Variants in ZMAT4 observed in about 807,000 individuals in gnomAD.
ZMAT4 encodes zinc finger matrin-type protein 4.
Under a neutral mutation model 28.7 loss-of-function variants are expected in ZMAT4, and 17 were observed. The observed-to-expected ratio is 0.59, with a 90% CI of 0.41 to 0.89. The LOEUF is 0.89. Among genes scored for constraint, ZMAT4 ranks in the 40% least tolerant of loss-of-function variants. ZMAT4 has a pLI of 0.00. For missense variants in ZMAT4, 240 were observed against 283.8 expected (o/e 0.85, Z 1.11); for synonymous variants, 117 against 109.2 (o/e 1.07, Z -0.44).
intron 5 of ZMAT4, among the ~76,000 whole-genome samples, chr8:40,647,185 T>A (rs2118793461): frequency 6.6e-6 from 1 of 152,080 alleles, no homozygotes; most frequent in East Asian, 1.9e-4. Flanking sequence ...CACTAGGGAG[T>A]GCCAGACAGT....
At chr8:40,720,248 C>G (rs1011991560) in intron 3 of ZMAT4, among the ~76,000 whole-genome samples, 1 of 152,064 alleles carries the variant, frequency 6.6e-6, no homozygotes, top group African/African-American at 2.4e-5. Context: ...TCTTATTAAC[C>G]AGCACTATTA....
At chr8:40,865,362 G>A (rs560022315) in intron 1 of ZMAT4, among the ~76,000 whole-genome samples, 36 of 152,308 alleles carry the variant, frequency 2.4e-4, no homozygotes, top group South Asian at 1.5e-3. Flanking sequence ...AATCTTCCCC[G>A]AATTCGGCCT....
intron 6 of ZMAT4, among the ~76,000 whole-genome samples, chr8:40,563,892 G>A (rs572495717): frequency 6.6e-6 from 1 of 152,050 alleles, no homozygotes; most frequent in Non-Finnish European, 1.5e-5. Context: ...GGGCCTCTTA[G>A]TTTCCTCCAG....
intron 6 of ZMAT4, among the ~76,000 whole-genome samples, chr8:40,569,097 C>A (rs778341733): frequency 6.6e-6 from 1 of 152,112 alleles, no homozygotes; most frequent in Non-Finnish European, 1.5e-5. Context: ...GATGGGGGAG[C>A]TGATTTGTCC....
intron 1 of ZMAT4, among the ~76,000 whole-genome samples, chr8:40,863,999 C>T (rs1358538612): frequency 6.6e-6 from 1 of 152,200 alleles, no homozygotes; most frequent in Non-Finnish European, 1.5e-5. Flanking sequence ...TCCTGTGCCT[C>T]ACATGGTGTC....
intron 1 of ZMAT4, among the ~76,000 whole-genome samples, chr8:40,878,490 TATCAGAAGTAAGTTGTCC>T (rs1818114627): frequency 6.6e-6 from 1 of 152,232 alleles, no homozygotes; most frequent in African/African-American, 2.4e-5. Flanking sequence ...AAACCAGATA[TATCAGAAGTAAGTTGTCC>T]AACTTAGAAA....
intron 3 of ZMAT4, among the ~76,000 whole-genome samples, chr8:40,737,492 T>C (rs181317299): frequency 1.4e-3 from 216 of 152,180 alleles, no homozygotes; most frequent in Admixed American, 3.5e-3. Context: ...AGGAAAAAAA[T>C]AAAGTGTTGT....
chr8:40,546,658 T>C (rs1803212222), intron 6 of ZMAT4, among the ~76,000 whole-genome samples: 2 of 152,314 alleles, frequency 1.3e-5, no homozygotes, highest in African/African-American at 4.8e-5. Context: ...TGCCAGTTCC[T>C]GAGGCAGCAT....
intron 5 of ZMAT4, among the ~76,000 whole-genome samples, chr8:40,623,921 T>C (rs1806285732): frequency 2.6e-5 from 4 of 152,230 alleles, no homozygotes; most frequent in Admixed American, 2.0e-4. Flanking sequence ...CTACAGGCAT[T>C]TGAAGCTTAT....
intron 3 of ZMAT4, among the ~76,000 whole-genome samples, chr8:40,745,527 C>A (rs769249299): frequency 5.3e-5 from 8 of 152,112 alleles, no homozygotes; most frequent in Admixed American, 3.9e-4. Flanking sequence ...TCCTTTACAC[C>A]TTAGTATAAA....
intron 5 of ZMAT4, among the ~76,000 whole-genome samples, chr8:40,635,461 G>A (rs768874869): frequency 6.6e-6 from 1 of 151,970 alleles, no homozygotes; most frequent in African/African-American, 2.4e-5. Context: ...AGAGCACCCC[G>A]ACCCCACCAT....
intron 3 of ZMAT4, among the ~76,000 whole-genome samples, chr8:40,756,774 G>C (rs1430515176): frequency 6.6e-6 from 1 of 151,768 alleles, no homozygotes; most frequent in East Asian, 1.9e-4. Context: ...AGCTTCCTGT[G>C]AGCCTCTGTC....
chr8:40,866,216 G>A (rs1235485947), intron 1 of ZMAT4, among the ~76,000 whole-genome samples: 1 of 152,206 alleles, frequency 6.6e-6, no homozygotes, highest in Non-Finnish European at 1.5e-5. Context: ...CTTTGCTTTA[G>A]TTCTATATCT....
At chr8:40,651,398 C>G (rs561198078) in intron 5 of ZMAT4, among the ~76,000 whole-genome samples, 2 of 151,920 alleles carry the variant, frequency 1.3e-5, no homozygotes, top group East Asian at 1.9e-4. Context: ...TCAAGGAGAA[C>G]TACAAACCAC....
intron 5 of ZMAT4, among the ~76,000 whole-genome samples, chr8:40,604,576 G>A (rs975301621): frequency 1.3e-5 from 2 of 152,154 alleles, no homozygotes; most frequent in Non-Finnish European, 2.9e-5. Flanking sequence ...AAACTCACTT[G>A]ATCATGGTGG....
chr8:40,566,157 G>A (rs185485287), intron 6 of ZMAT4, among the ~76,000 whole-genome samples: 51 of 152,146 alleles, frequency 3.4e-4, no homozygotes, highest in Admixed American at 1.7e-3. Flanking sequence ...TTCCTCCGCC[G>A]TGACACACTA....
At chr8:40,623,336 T>G (rs1806264588) in intron 5 of ZMAT4, among the ~76,000 whole-genome samples, 1 of 152,212 alleles carries the variant, frequency 6.6e-6, no homozygotes, top group African/African-American at 2.4e-5. Flanking sequence ...AGGCAAACAC[T>G]GTAAGCATTC....
Position 40,735,691 on chromosome 8 carries a change from G to A in ZMAT4, c.192+31950C>T, listed in dbSNP as rs529947196. Among the ~76,000 whole-genome samples the A allele has an allele frequency of 2.6e-5, 4 of 152,256 alleles. No homozygotes were observed. The East Asian group carries it at 7.7e-4, about 29-fold the overall frequency. The stretch of plus-strand genomic sequence containing the variant: ...TTCCTATAGCTGGCAATCACAATTT[G>A]CTAAGCATGGTGTTCAGTGTATTCA... On this transcript the variant is annotated intron_variant, in intron 3 of 6. Coordinates refer to ENST00000297737, the MANE Select transcript of ZMAT4 (RefSeq NM_024645.3).
At chr8:40,654,255 C>T (rs1429516525) in intron 5 of ZMAT4, among the ~76,000 whole-genome samples, 1 of 152,076 alleles carries the variant, frequency 6.6e-6, no homozygotes, top group African/African-American at 2.4e-5. Context: ...CAGTCAAGTC[C>T]CCTCTCTGAT....
Sources: gnomAD v4.1 joint callset for allele counts (sites outside exome capture counted in the v4.1 genomes callset) on GRCh38, gnomAD v4.1.1 for gene constraint, MANE v1.5 for transcripts, NCBI Gene and HGNC (gene_info 2026-07-23, HGNC 2026-07-21) for gene names.